CSMD3: variants seen among roughly 807,000 people sequenced by gnomAD.
The protein encoded by CSMD3 is CUB and sushi domain-containing protein 3.
A neutral mutation model predicts 435.2 loss-of-function variants in CSMD3; 177 were observed. The ratio of observed to expected loss-of-function variants is 0.41; its 90% CI spans 0.36 to 0.46. The LOEUF (loss-of-function observed/expected upper bound fraction) is 0.46. Ranked by LOEUF, CSMD3 falls within the 20% of genes least tolerant of loss-of-function variation. The pLI, the probability that CSMD3 is intolerant of heterozygous loss-of-function variation, is 0.34. For missense variants in CSMD3, 4,265 were observed against 4,504.6 expected (o/e 0.95, Z 1.52); for synonymous variants, 1,656 against 1,520.5 (o/e 1.09, Z -2.07).
intron 11 of CSMD3, among the ~76,000 whole-genome samples, chr8:112,831,727 G>A (rs1331061671): frequency 6.6e-6 from 1 of 151,864 alleles, no homozygotes; most frequent in Admixed American, 6.6e-5. Context: ...CTTTATATTG[G>A]TGATTCTGAA....
At chr8:113,358,596 A>C (rs1047154081) in intron 1 of CSMD3, among the ~76,000 whole-genome samples, 3 of 152,166 alleles carry the variant, frequency 2.0e-5, no homozygotes, top group Non-Finnish European at 4.4e-5. Context: ...AACTTTTTTA[A>C]AGGAAACTTA....
intron 22 of CSMD3, among the ~76,000 whole-genome samples, chr8:112,610,449 C>T (rs1234993187): frequency 6.6e-6 from 1 of 152,022 alleles, no homozygotes; most frequent in Non-Finnish European, 1.5e-5. Flanking sequence ...TCTAATATTT[C>T]CCTAGTTCCC....
intron 23 of CSMD3, among the ~76,000 whole-genome samples, 182 bp from the exon 24 acceptor site, chr8:112,573,839 G>A (rs1480518831): frequency 3.3e-5 from 5 of 151,958 alleles, no homozygotes; most frequent in Non-Finnish European, 7.4e-5. Flanking sequence ...GAATTCACAT[G>A]TATAATTTTA....
At chr8:113,355,764 A>ACC in intron 1 of CSMD3, among the ~76,000 whole-genome samples, 1 of 87,968 alleles carries the variant, frequency 1.1e-5, no homozygotes, top group African/African-American at 4.5e-5. Context: ...ACACACACAC[A>ACC]CACGGGGTGT....
At chr8:113,240,384 T>G (rs1431752844) in intron 3 of CSMD3, among the ~76,000 whole-genome samples, 1 of 152,316 alleles carries the variant, frequency 6.6e-6, no homozygotes, top group South Asian at 2.1e-4. Context: ...GTGATGAGAT[T>G]GCCAGGTCAA....
At chr8:112,417,920 C>G (rs1812087610) in intron 32 of CSMD3, among the ~76,000 whole-genome samples, 1 of 150,566 alleles carries the variant, frequency 6.6e-6, no homozygotes, top group Non-Finnish European at 1.5e-5. Context: ...GTTTGATTCT[C>G]AACATGCTTA....
chr8:112,913,889 C>T (rs537186714), intron 10 of CSMD3, among the ~76,000 whole-genome samples: 120 of 151,888 alleles, frequency 7.9e-4, no homozygotes, highest in African/African-American at 2.7e-3. Context: ...CGTCTTTGAA[C>T]GGAATGCACC....
chr8:112,310,733 T>A, intron 50 of CSMD3: 1 of 565,396 alleles, frequency 1.8e-6, no homozygotes, highest in Non-Finnish European at 3.2e-6. Flanking sequence ...GAATAAAGTA[T>A]GTATACAAGG....
At chr8:113,190,479 G>C (rs2092568728) in intron 3 of CSMD3, among the ~76,000 whole-genome samples, 1 of 151,702 alleles carries the variant, frequency 6.6e-6, no homozygotes, top group South Asian at 2.1e-4. Context: ...AGTCCATTTG[G>C]GAATGGAATA....
intron 2 of CSMD3, among the ~76,000 whole-genome samples, chr8:113,290,013 G>T (rs1324074320): frequency 5.3e-5 from 8 of 151,432 alleles, no homozygotes; most frequent in Non-Finnish European, 8.9e-5. Context: ...TTATAATGTG[G>T]TATTTTCTTT....
chr8:112,371,350 G>A (rs1828372089), intron 38 of CSMD3, among the ~76,000 whole-genome samples: 1 of 152,110 alleles, frequency 6.6e-6, no homozygotes, highest in Non-Finnish European at 1.5e-5. Context: ...CTCAGCCCTT[G>A]GCAATATTTG....
At chr8:112,577,765 C>A (rs1830053371) in intron 23 of CSMD3, among the ~76,000 whole-genome samples, 2 of 152,010 alleles carry the variant, frequency 1.3e-5, no homozygotes, top group Admixed American at 1.3e-4. Flanking sequence ...CTCCTGAATC[C>A]AGTAGGTTGA....
At chr8:112,335,592 T>C (rs1458182602) in intron 44 of CSMD3, 118 bp from the exon 45 acceptor site, 2 of 896,194 alleles carry the variant, frequency 2.2e-6, no homozygotes, top group Non-Finnish European at 3.6e-6. Flanking sequence ...ATAATAAAGA[T>C]GCAGGAAGCT....
At chr8:112,637,202 A>G (rs1468126140) in intron 21 of CSMD3, among the ~76,000 whole-genome samples, 197 bp from the exon 22 acceptor site, 5 of 152,168 alleles carry the variant, frequency 3.3e-5, no homozygotes, top group Admixed American at 2.6e-4. Flanking sequence ...AACTTGATAA[A>G]TATTTGTATT....
intron 22 of CSMD3, among the ~76,000 whole-genome samples, chr8:112,620,450 C>T (rs1390630225): frequency 6.6e-6 from 1 of 152,116 alleles, no homozygotes; most frequent in Non-Finnish European, 1.5e-5. Context: ...TTCCCCATGG[C>T]TAATTGAGGC....
At chr8:112,443,568 A>G (rs1452824679) in intron 32 of CSMD3, among the ~76,000 whole-genome samples, 2 of 152,150 alleles carry the variant, frequency 1.3e-5, no homozygotes, top group South Asian at 2.1e-4. Context: ...GATGTTAAAC[A>G]TATAGTTTTA....
At chr8:112,834,878 A>C (rs1404137530) in intron 11 of CSMD3, among the ~76,000 whole-genome samples, 2 of 151,846 alleles carry the variant, frequency 1.3e-5, no homozygotes, top group Non-Finnish European at 2.9e-5. Flanking sequence ...GGAGTAAATA[A>C]ACAAAAACAT....
chr8:113,269,761 T>C (rs2093504417), intron 3 of CSMD3, among the ~76,000 whole-genome samples: 1 of 152,110 alleles, frequency 6.6e-6, no homozygotes, highest in Admixed American at 6.5e-5. Context: ...GCTAGCCATA[T>C]GTAGAAAGCT....
intron 3 of CSMD3, among the ~76,000 whole-genome samples, chr8:113,241,235 C>T (rs1488677288): frequency 6.6e-6 from 1 of 151,974 alleles, no homozygotes; most frequent in East Asian, 1.9e-4. Context: ...TCATCCTCTG[C>T]AAAACCTAGA....
Sources: gnomAD v4.1 joint callset for allele counts (sites outside exome capture counted in the v4.1 genomes callset) on GRCh38, gnomAD v4.1.1 for gene constraint, MANE v1.5 for transcripts, NCBI Gene and HGNC (gene_info 2026-07-23, HGNC 2026-07-21) for gene names.